NTRK3: variants seen among roughly 807,000 people sequenced by gnomAD.
NTRK3 encodes the protein NT-3 growth factor receptor.
NTRK3 carries 24 observed loss-of-function variants against 91.7 expected under a neutral mutation model. The ratio of observed to expected loss-of-function variants is 0.26; its 90% CI spans 0.19 to 0.37. NTRK3 has a LOEUF of 0.37. Among genes scored for constraint, NTRK3 ranks in the 10% least tolerant of loss-of-function variants. NTRK3 has a pLI of 1.00. For missense variants in NTRK3, 880 were observed against 1,068.9 expected (o/e 0.82, Z 2.46); for synonymous variants, 483 against 404.0 (o/e 1.20, Z -2.34).
In NTRK3 at chr15:88,077,910, G is replaced by A. The variant is rs371367787; in HGVS notation, c.1397-44865C>T. The stretch of plus-strand genomic sequence containing the variant: ...AACACAGCCAACTGAGGACAGAGCA[G>A]TGTGGGCTGCAAAGACAGAATCTCA... On this transcript the variant is annotated intron_variant, in intron 13 of 18. Transcript: ENST00000394480. 9.3e-4 allele frequency among the ~76,000 whole-genome samples: 142 copies of A among 152,326 alleles called. 1 individual carries two copies. The South Asian group carries it at 0.028, about 30-fold the overall frequency.
In NTRK3 at chr15:87,932,963, G is replaced by C. The variant is rs372573713; in HGVS notation, c.1889+49C>G. On this transcript the variant is annotated intron_variant, in intron 16 of 18. Transcript: ENST00000394480. ...TTCTGGCTCCAGGGAAAACCCCAAG[G>C]GTTCGGTGGGACTGGGGTCAGGTGC... 33 of 1,602,936 alleles carry C rather than the reference G, an allele frequency of 2.1e-5. No homozygotes were observed. In the South Asian group the frequency reaches 2.8e-4, roughly 13 times the overall value.
rs1482129465 is a variant in NTRK3 at position 88,212,690 on chromosome 15, G to C, written c.249-28391C>G. 3.4e-5 allele frequency among the ~76,000 whole-genome samples: 5 copies of C among 147,012 alleles called. No individual in the cohort carries two copies. The South Asian group carries it at 6.4e-4, about 19-fold the overall frequency. On this transcript the variant is annotated intron_variant, in intron 3 of 18. Coordinates refer to ENST00000394480, the Ensembl canonical transcript of NTRK3. ...GTAGATACTTCATGGAAGCTGTTTT[G>C]GCTGCTGCATCACACACACACACAC... is the stretch of plus-strand genomic sequence containing the variant.
chr15:87,901,760 G>C (rs2066466203), intron 17 of NTRK3, among the ~76,000 whole-genome samples: 1 of 146,012 alleles, frequency 6.8e-6, no homozygotes, highest in Non-Finnish European at 1.5e-5. Flanking sequence ...GAGGAAAGTT[G>C]GGGAGGGGGG....
chr15:87,982,808 G>GT lies in NTRK3; in HGVS notation c.1586-42056dup, dbSNP rs553840239. Among the ~76,000 whole-genome samples, 818 of 152,306 alleles carry GT rather than the reference G, an allele frequency of 5.4e-3. 4 individuals are homozygous for GT. Among genetic ancestry groups the GT allele is most frequent in the Middle Eastern group, 0.014 (4 of 294 alleles). ...GCCACATAAAAAGACATTCAAATCT[G>GT]TTTTTCTGAGATTCTTGCAGATTCT... On this transcript the variant is annotated intron_variant, in intron 14 of 18. Transcript: ENST00000394480.
At chr15:87,989,270 T>C (rs1245683386) in intron 14 of NTRK3, among the ~76,000 whole-genome samples, 5 of 152,188 alleles carry the variant, frequency 3.3e-5, no homozygotes, top group African/African-American at 9.7e-5. Context: ...CCATCAATGA[T>C]AGACTGGATT....
At chr15:88,033,221 C>G (rs1449963692) in intron 13 of NTRK3, among the ~76,000 whole-genome samples, 176 bp from the exon 14 acceptor site, 1 of 62,722 alleles carries the variant, frequency 1.6e-5, no homozygotes, top group Non-Finnish European at 3.0e-5. Flanking sequence ...TATATAAATT[C>G]AGTTGTTTGG....
chr15:88,046,734 C>T (rs996340764), intron 13 of NTRK3, among the ~76,000 whole-genome samples: 7 of 152,270 alleles, frequency 4.6e-5, no homozygotes, highest in Admixed American at 1.3e-4. Flanking sequence ...GGACAGCAGC[C>T]GGGCAAGGGC....
At chr15:88,027,434 G>A (rs1189090032) in intron 14 of NTRK3, among the ~76,000 whole-genome samples, 1 of 152,156 alleles carries the variant, frequency 6.6e-6, no homozygotes, top group Non-Finnish European at 1.5e-5. Flanking sequence ...CCAGGCTGCA[G>A]TGCAGTGGCG....
intron 5 of NTRK3, among the ~76,000 whole-genome samples, chr15:88,176,133 C>CTTTTTTTTTT (rs1167029194): frequency 1.0e-4 from 12 of 115,638 alleles, no homozygotes; most frequent in African/African-American, 4.8e-4. Flanking sequence ...CTATATGCCC[C>CTTTTTTTTTT]TTCTTTTTTT....
chr15:87,925,779 A>G (rs1462240047), intron 17 of NTRK3: 1 of 176,332 alleles, frequency 5.7e-6, no homozygotes, highest in Non-Finnish European at 1.2e-5. Context: ...GAGGTGGTCA[A>G]TGTAAAGATT....
chr15:88,152,805 C>T (rs2043511869), intron 5 of NTRK3, among the ~76,000 whole-genome samples: 1 of 152,226 alleles, frequency 6.6e-6, no homozygotes, highest in Admixed American at 6.5e-5. Context: ...GGGAACCAGC[C>T]TCCCAATCAG....
At chr15:87,876,996 A>C in exon 19 of NTRK3, 1 of 1,613,824 alleles carries the variant, frequency 6.2e-7, no homozygotes, top group East Asian at 2.2e-5. Flanking sequence ...GATTTTGTAG[A>C]TCTCCTTGAT....
chr15:88,076,002 T>C (rs1242363753), intron 13 of NTRK3, among the ~76,000 whole-genome samples: 2 of 152,238 alleles, frequency 1.3e-5, no homozygotes, highest in Non-Finnish European at 2.9e-5. Context: ...GTTTTGATGG[T>C]GGTGGTGCTA....
chr15:88,167,877 T>C (rs1456035825), intron 5 of NTRK3, among the ~76,000 whole-genome samples: 1 of 152,206 alleles, frequency 6.6e-6, no homozygotes, highest in East Asian at 1.9e-4. Context: ...TGAGGTATGA[T>C]CTAGAGCTAT....
intron 14 of NTRK3, among the ~76,000 whole-genome samples, chr15:88,021,491 G>T (rs966668463): frequency 6.6e-6 from 1 of 152,184 alleles, no homozygotes; most frequent in Non-Finnish European, 1.5e-5. Context: ...GTCCTTCTTG[G>T]TAAGTCTCAG....
intron 17 of NTRK3, among the ~76,000 whole-genome samples, chr15:87,902,209 C>T (rs2066498092): frequency 6.6e-6 from 1 of 152,212 alleles, no homozygotes; most frequent in Non-Finnish European, 1.5e-5. Flanking sequence ...AGAAGCCAGT[C>T]ATGGACTTTG....
intron 13 of NTRK3, among the ~76,000 whole-genome samples, chr15:88,058,176 T>C (rs2045895309): frequency 6.6e-6 from 1 of 152,126 alleles, no homozygotes; most frequent in South Asian, 2.1e-4. Context: ...GTGTAGGAAC[T>C]TGGATCGCTT....
At chr15:87,932,451 A>G (rs1477750617) in intron 16 of NTRK3, among the ~76,000 whole-genome samples, 1 of 152,224 alleles carries the variant, frequency 6.6e-6, no homozygotes, top group African/African-American at 2.4e-5. Flanking sequence ...TTAAGTGGCC[A>G]TAGGTGGACA....
chr15:87,924,152 T>C (rs2068100496), intron 17 of NTRK3, among the ~76,000 whole-genome samples: 1 of 152,154 alleles, frequency 6.6e-6, no homozygotes, highest in African/African-American at 2.4e-5. Context: ...GGCTCCATTT[T>C]ACAGTTGAAG....
Sources: gnomAD v4.1 joint callset for allele counts (sites outside exome capture counted in the v4.1 genomes callset) on GRCh38, gnomAD v4.1.1 for gene constraint, MANE v1.5 for transcripts, NCBI Gene and HGNC (gene_info 2026-07-23, HGNC 2026-07-21) for gene names.